C1orf185: variants seen among roughly 807,000 people sequenced by gnomAD.
The protein encoded by C1orf185 is uncharacterized protein C1orf185.
In C1orf185, 13 loss-of-function variants were observed where a neutral mutation model predicts 16.1. That is an observed-to-expected ratio of 0.81 (90% CI 0.53 to 1.28). The LOEUF is 1.28. Among genes scored for constraint, C1orf185 ranks in the 50% most tolerant of loss-of-function variants. C1orf185 has a pLI of 0.00. For missense variants in C1orf185, 220 were observed against 225.2 expected (o/e 0.98, Z 0.15); for synonymous variants, 80 against 76.9 (o/e 1.04, Z -0.21).
intron 3 of C1orf185, among the ~76,000 whole-genome samples, chr1:51,126,921 C>A (rs1315599894): frequency 1.3e-5 from 2 of 152,058 alleles, no homozygotes; most frequent in Non-Finnish European, 2.9e-5. Context: ...TTTAACCTAA[C>A]CTTTACAGTT....
intron 3 of C1orf185, among the ~76,000 whole-genome samples, chr1:51,138,485 C>T (rs912362802): frequency 3.3e-5 from 5 of 151,820 alleles, no homozygotes; most frequent in Admixed American, 6.6e-5. Context: ...CTCTGCCTCC[C>T]GGGTTCACGC....
chr1:51,112,923 G>GA (rs1646131854), intron 2 of C1orf185, among the ~76,000 whole-genome samples: 1 of 151,694 alleles, frequency 6.6e-6, no homozygotes, highest in Admixed American at 6.6e-5. Flanking sequence ...GGGTTCAAGC[G>GA]ATTCTCCTGA....
chr1:51,135,485 G>A (rs1646316713), intron 3 of C1orf185, among the ~76,000 whole-genome samples: 1 of 151,532 alleles, frequency 6.6e-6, no homozygotes. Flanking sequence ...GTTGCAGTGA[G>A]CCGAGATCAC....
At chr1:51,146,303 A>G (rs1646400369) in intron 4 of C1orf185, among the ~76,000 whole-genome samples, 1 of 152,066 alleles carries the variant, frequency 6.6e-6, no homozygotes, top group Admixed American at 6.6e-5. Flanking sequence ...TACTAAAAAT[A>G]TAAAAATTAG....
At chr1:51,135,558 C>A (rs1277902228) in intron 3 of C1orf185, among the ~76,000 whole-genome samples, 1 of 152,090 alleles carries the variant, frequency 6.6e-6, no homozygotes, top group East Asian at 1.9e-4. Context: ...CAAAACAGAA[C>A]ATGATTATTT....
At chr1:51,149,392 T>C (rs76682083), downstream of C1orf185, among the ~76,000 whole-genome samples, 5,323 of 152,228 alleles carry the variant, frequency 0.035, 242 homozygotes, top group African/African-American at 0.1. Context: ...ACTCTCTCTT[T>C]TGAAGCACCT....
At chr1:51,120,945 C>G (rs1646193107) in intron 3 of C1orf185, among the ~76,000 whole-genome samples, 1 of 152,076 alleles carries the variant, frequency 6.6e-6, no homozygotes, top group Non-Finnish European at 1.5e-5. Context: ...CACAAGTAAA[C>G]ACAAAAGATA....
chr1:51,112,408 T>C, intron 1 of C1orf185, 56 bp from the exon 2 acceptor site: 1 of 1,369,570 alleles, frequency 7.3e-7, no homozygotes, highest in East Asian at 2.5e-5. Flanking sequence ...CATTCAGTTT[T>C]ACCTAGAGAA....
chr1:51,106,324 T>A (rs1346810422), intron 1 of C1orf185, among the ~76,000 whole-genome samples: 1 of 152,140 alleles, frequency 6.6e-6, no homozygotes, highest in Non-Finnish European at 1.5e-5. Context: ...ATAACCAAAG[T>A]TGATTGTTTT....
intron 3 of C1orf185, among the ~76,000 whole-genome samples, chr1:51,122,357 T>C (rs567207089): frequency 6.6e-6 from 1 of 152,318 alleles, no homozygotes; most frequent in South Asian, 2.1e-4. Flanking sequence ...TTACTTCATA[T>C]CTTCAACAAT....
downstream of C1orf185, among the ~76,000 whole-genome samples, chr1:51,149,921 T>C (rs9887880): frequency 0.012 from 1,898 of 152,216 alleles, 41 homozygotes; most frequent in African/African-American, 0.044. Context: ...AATTATAAAA[T>C]CCCCTTTTTG....
intron 3 of C1orf185, among the ~76,000 whole-genome samples, chr1:51,132,615 T>A (rs1398165434): frequency 6.6e-6 from 1 of 152,026 alleles, no homozygotes; most frequent in African/African-American, 2.4e-5. Flanking sequence ...AATTTATGAC[T>A]CATTGGTATC....
intron 3 of C1orf185, among the ~76,000 whole-genome samples, chr1:51,128,793 G>GTGTGTGACC (rs1406819802): frequency 2.6e-5 from 4 of 152,170 alleles, no homozygotes; most frequent in Non-Finnish European, 5.9e-5. Context: ...ATATATTTGT[G>GTGTGTGACC]TGTGTGACCT....
chr1:51,110,892 C>A (rs879457360), intron 1 of C1orf185, among the ~76,000 whole-genome samples: 13 of 151,910 alleles, frequency 8.6e-5, no homozygotes, highest in Non-Finnish European at 1.3e-4. Context: ...TCGCTTGAAC[C>A]CAGGAGTCGG....
intron 3 of C1orf185, among the ~76,000 whole-genome samples, chr1:51,132,030 C>T (rs1164915798): frequency 6.6e-6 from 1 of 152,112 alleles, no homozygotes; most frequent in African/African-American, 2.4e-5. Context: ...AGAAATGAAG[C>T]CAGTTGGCTG....
chr1:51,136,946 G>T (rs907779606), intron 3 of C1orf185, among the ~76,000 whole-genome samples: 2 of 151,980 alleles, frequency 1.3e-5, no homozygotes, highest in Non-Finnish European at 2.9e-5. Context: ...CACAGCAAAA[G>T]AAATTATCAA....
In C1orf185 at chr1:51,112,082, G is replaced by A. The variant is rs532023637; in HGVS notation, c.17-382G>A. ...AGATTGATAACACAAATCTTAAAAT[G>A]AAAATCTTAAAAAGTCTTATGTTGG... On this transcript the variant is annotated intron_variant, in intron 1 of 4. Coordinates refer to ENST00000371759, the MANE Select transcript of C1orf185 (RefSeq NM_001136508.2). 8.6e-5 allele frequency among the ~76,000 whole-genome samples: 13 copies of A among 151,358 alleles called. No individual in the cohort carries two copies. The East Asian group carries it at 2.5e-3, about 29-fold the overall frequency.
At chr1:51,144,345 T>C (rs775390580) in intron 3 of C1orf185, among the ~76,000 whole-genome samples, 4 of 152,230 alleles carry the variant, frequency 2.6e-5, no homozygotes, top group African/African-American at 7.2e-5. Flanking sequence ...GAATTGGTCT[T>C]AAATCTAGCC....
chr1:51,103,308 A>G (rs962633272), intron 1 of C1orf185, among the ~76,000 whole-genome samples: 5 of 151,572 alleles, frequency 3.3e-5, no homozygotes, highest in Admixed American at 6.6e-5. Flanking sequence ...TAGGAGGCTG[A>G]GGTGGGAGGA....
Sources: gnomAD v4.1 joint callset for allele counts (sites outside exome capture counted in the v4.1 genomes callset) on GRCh38, gnomAD v4.1.1 for gene constraint, MANE v1.5 for transcripts, NCBI Gene and HGNC (gene_info 2026-07-23, HGNC 2026-07-21) for gene names.